The following AGGF1 variants were observed in gnomAD, a reference collection of about 807,000 sequenced individuals.
AGGF1 encodes the protein angiogenic factor with G-patch and FHA domains 1, also known as angiogenic factor with G patch and FHA domains 1.
Under a neutral mutation model 86.5 loss-of-function variants are expected in AGGF1, and 56 were observed. The ratio of observed to expected loss-of-function variants is 0.65; its 90% CI spans 0.52 to 0.81. AGGF1 has a LOEUF of 0.81. Among genes scored for constraint, AGGF1 ranks in the 30% least tolerant of loss-of-function variants. AGGF1 has a pLI of 0.00. For synonymous variants in AGGF1, 313 were observed against 297.1 expected, an observed-to-expected ratio of 1.05 and a Z score of -0.55; for missense variants, 816 against 850.9, an observed-to-expected ratio of 0.96 and a Z score of 0.51.
At chr5:77,042,464 G>A (rs1263602701) in intron 5 of AGGF1, among the ~76,000 whole-genome samples, 83 of 84,054 alleles carry the variant, frequency 9.9e-4, no homozygotes, top group Non-Finnish European at 1.3e-3. Flanking sequence ...CCTCCCTCCC[G>A]GACGGGGCGG....
intron 5 of AGGF1, among the ~76,000 whole-genome samples, chr5:77,042,783 C>T (rs1355538500): frequency 6.9e-5 from 4 of 57,754 alleles, no homozygotes; most frequent in Non-Finnish European, 1.8e-4. Context: ...CACCTCCCTC[C>T]CGGACGGGGC....
chr5:77,046,135 A>G (rs1747242832), intron 5 of AGGF1, among the ~76,000 whole-genome samples: 1 of 152,206 alleles, frequency 6.6e-6, no homozygotes, highest in Non-Finnish European at 1.5e-5. Context: ...CTCAGAGATA[A>G]CTATAGGATT....
At chr5:77,042,142 TC>T (rs1747101705) in intron 5 of AGGF1, among the ~76,000 whole-genome samples, 1 of 151,934 alleles carries the variant, frequency 6.6e-6, no homozygotes, top group Non-Finnish European at 1.5e-5. Context: ...AGGTCACAGA[TC>T]AACAGGATCC....
At chr5:77,049,341 G>T (rs528003129) in intron 8 of AGGF1, among the ~76,000 whole-genome samples, 24 of 152,128 alleles carry the variant, frequency 1.6e-4, no homozygotes, top group African/African-American at 5.8e-4. Flanking sequence ...TTAGTAGGTG[G>T]TTACTTTGAG....
At chr5:77,046,271 T>G in intron 5 of AGGF1, 76 bp from the exon 6 acceptor site, 6 of 1,251,164 alleles carry the variant, frequency 4.8e-6, no homozygotes, top group Non-Finnish European at 7.0e-6. Flanking sequence ...TCGTTGAAAC[T>G]TGATGTAATG....
chr5:77,034,198 C>T (rs1035213205), intron 1 of AGGF1, among the ~76,000 whole-genome samples: 5 of 151,900 alleles, frequency 3.3e-5, no homozygotes, highest in African/African-American at 1.2e-4. Context: ...TTATTTAGTT[C>T]GATTTTTGGA....
intron 4 of AGGF1, among the ~76,000 whole-genome samples, chr5:77,037,700 G>A (rs1025104543): frequency 9.9e-5 from 15 of 152,050 alleles, no homozygotes; most frequent in African/African-American, 3.6e-4. Flanking sequence ...CGCTTGAGCT[G>A]GGAAGATGGA....
chr5:77,048,374 CAG>C, intron 7 of AGGF1, 102 bp downstream of exon 7: 2 of 982,024 alleles, frequency 2.0e-6, no homozygotes, highest in Non-Finnish European at 3.1e-6. Context: ...GTTTTTGAGA[CAG>C]AGTTGTGCTC....
At chr5:77,031,359 G>A (rs1208820253) in intron 1 of AGGF1, among the ~76,000 whole-genome samples, 1 of 152,120 alleles carries the variant, frequency 6.6e-6, no homozygotes, top group African/African-American at 2.4e-5. Context: ...CTTATATACC[G>A]AGTCTCAGTT....
Position 77,059,686 on chromosome 5 carries a change from A to G in AGGF1, c.1787A>G (p.Glu596Gly). ...AAAGATAGAGCTGGAAAACGTAGGGAGCAGGTTGGAAGTGAAGGAACTTTC... is the reference window on the plus strand; with the variant it reads ...AAAGATAGAGCTGGAAAACGTAGGGGGCAGGTTGGAAGTGAAGGAACTTTC... ...KYKDRAGKRREQVGSEGTFQR... is the reference protein window; with the variant it reads ...KYKDRAGKRRGQVGSEGTFQR... The change falls in exon 12 of 14, where the codon GAG (glutamate) becomes GGG (glycine). Residue 596 changes from glutamate to glycine, a missense_variant. Around this residue, in one of 3 missense-constraint regions of AGGF1, gnomAD observed 565 missense variants for 585.8 expected, o/e 0.96. Transcript: ENST00000312916. The G allele has an allele frequency of 6.2e-7, 1 of 1,613,886 alleles. No homozygotes were observed. The highest frequency in any genetic ancestry group is 2.2e-5 in the East Asian group (1 of 44,874).
intron 9 of AGGF1, among the ~76,000 whole-genome samples, chr5:77,053,281 G>T (rs951970329): frequency 6.6e-6 from 1 of 152,180 alleles, no homozygotes; most frequent in Non-Finnish European, 1.5e-5. Context: ...CACTTTGGGA[G>T]CCCGAGGCCA....
intron 5 of AGGF1, among the ~76,000 whole-genome samples, chr5:77,044,906 TAAA>T (rs1747215639): frequency 6.6e-6 from 1 of 151,660 alleles, no homozygotes. Flanking sequence ...CTACTAAAAA[TAAA>T]AAAATTACCT....
At chr5:77,038,664 C>G (rs1361042447) in intron 4 of AGGF1, among the ~76,000 whole-genome samples, 1 of 152,062 alleles carries the variant, frequency 6.6e-6, no homozygotes, top group African/African-American at 2.4e-5. Flanking sequence ...CAATAAATTG[C>G]AAGTGTCAAT....
intron 9 of AGGF1, among the ~76,000 whole-genome samples, chr5:77,053,180 C>T (rs1459266616): frequency 6.6e-6 from 1 of 152,136 alleles, no homozygotes; most frequent in Non-Finnish European, 1.5e-5. Flanking sequence ...ATTCAGTTAA[C>T]ACTTAACATC....
chr5:77,039,766 A>T (rs757590507), intron 5 of AGGF1, 47 bp downstream of exon 5: 1 of 1,537,896 alleles, frequency 6.5e-7, no homozygotes, highest in Non-Finnish European at 8.9e-7. Flanking sequence ...TGATAACATG[A>T]TAATTAAGAC....
chr5:77,030,884 A>C lies in AGGF1; in HGVS notation c.118A>C (p.Lys40Gln). ...EKLERELRSCKRQVREIEKLL... is the reference protein window; with the variant it reads ...EKLERELRSCQRQVREIEKLL... Reference sequence around the variant, plus strand: ...GTTGGAACGTGAACTGCGGAGCTGCAAGCGGCAGGTGCGGGAGATCGAGAA... The same window carrying C: ...GTTGGAACGTGAACTGCGGAGCTGCCAGCGGCAGGTGCGGGAGATCGAGAA... The change falls in exon 1 of 14, where the codon AAG becomes CAG. Residue 40 changes from lysine to glutamine, a missense_variant. By Grantham distance (53) the Lys-to-Gln change is moderately conservative. This residue lies in a region of AGGF1 where 240 missense variants were observed against 234.4 expected (regional missense o/e 1.02). Coordinates refer to ENST00000312916, the MANE Select transcript of AGGF1 (RefSeq NM_018046.5). 6.2e-7 allele frequency: 1 copy of C among 1,613,494 alleles called. No individual in the cohort carries two copies. The highest frequency in any genetic ancestry group is 8.5e-7 in the Non-Finnish European group (1 of 1,179,990).
chr5:77,040,771 T>G (rs983861211), intron 5 of AGGF1, among the ~76,000 whole-genome samples: 2 of 152,234 alleles, frequency 1.3e-5, no homozygotes, highest in African/African-American at 4.8e-5. Context: ...ATCTTACTCT[T>G]GAAATTTTAT....
At chr5:77,032,235 G>C (rs1221369182) in intron 1 of AGGF1, among the ~76,000 whole-genome samples, 1 of 90,100 alleles carries the variant, frequency 1.1e-5, no homozygotes, top group Non-Finnish European at 2.4e-5. Context: ...AACTATGCTA[G>C]GAAAATACAA....
At chr5:77,041,403 C>T (rs2884762) in intron 5 of AGGF1, among the ~76,000 whole-genome samples, 45,528 of 151,550 alleles carry the variant, frequency 0.3, 7,076 homozygotes, top group Non-Finnish European at 0.31. Flanking sequence ...CCCGTCTCTA[C>T]TAAAAATACA....
Sources: gnomAD v4.1 joint callset for allele counts (sites outside exome capture counted in the v4.1 genomes callset) on GRCh38, gnomAD v4.1.1 for gene constraint, gnomAD v4.1.1 regional missense constraint, MANE v1.5 for transcripts, NCBI Gene and HGNC (gene_info 2026-07-23, HGNC 2026-07-21) for gene names.